The following MIS18BP1 variants were observed in gnomAD, a reference collection of about 807,000 sequenced individuals.
MIS18BP1 encodes the protein mis18-binding protein 1.
A neutral mutation model predicts 116.1 loss-of-function variants in MIS18BP1; 72 were observed. The observed-to-expected ratio is 0.62, with a 90% CI of 0.51 to 0.75. The LOEUF is 0.75. Ranked by LOEUF, MIS18BP1 falls within the 30% of genes least tolerant of loss-of-function variation. The pLI, the probability that MIS18BP1 is intolerant of heterozygous loss-of-function variation, is 0.00. For missense variants in MIS18BP1, 1,363 were observed against 1,303.2 expected (o/e 1.05, Z -0.71); for synonymous variants, 386 against 427.0 (o/e 0.90, Z 1.18).
chr14:45,229,942 A>C (rs983005279), intron 8 of MIS18BP1, among the ~76,000 whole-genome samples: 8 of 152,226 alleles, frequency 5.3e-5, no homozygotes, highest in Non-Finnish European at 1.0e-4. Context: ...ACTTTTTGCT[A>C]GCTCTGGGGA....
At chr14:45,229,749 A>G (rs1891224647) in intron 8 of MIS18BP1, among the ~76,000 whole-genome samples, 1 of 152,188 alleles carries the variant, frequency 6.6e-6, no homozygotes, top group Non-Finnish European at 1.5e-5. Context: ...AGTGAGATAT[A>G]CTGTCAAGGA....
At position 45,226,840 on chromosome 14, in the gene MIS18BP1, C is replaced by A; in HGVS notation, c.1747-4G>T. On this transcript the variant is annotated splice_region_variant and splice_polypyrimidine_tract_variant and intron_variant, in intron 9 of 16. Coordinates refer to ENST00000310806, the MANE Select transcript of MIS18BP1 (RefSeq NM_018353.5). ...ATTCTTTTTTTCCAATTAATTCCTT[C>A]AAAACAAAAAGATACCTAGGTTTTA... The A allele has an allele frequency of 7.4e-7, 1 of 1,355,068 alleles. No homozygotes were observed. The highest frequency in any genetic ancestry group is 1.5e-5 in the South Asian group (1 of 66,168). The allele number at this position is 1,355,068 out of a possible 1,614,324, so 83.9% of individuals were successfully genotyped here.
Position 45,231,140 on chromosome 14 carries a change from C to A in MIS18BP1, c.1594+1G>T, listed in dbSNP as rs145405817. 16 of 1,610,274 alleles carry A rather than the reference C, an allele frequency of 9.9e-6. No individual in the cohort carries two copies. In the African/African-American group the frequency reaches 1.3e-4, roughly 13 times the overall value. The stretch of plus-strand genomic sequence containing the variant: ...AACAGAGAAGTAAAGACAAAACATA[C>A]CCAAATTATCACAATCAAAATCGTA... On this transcript the variant is annotated splice_donor_variant, in intron 8 of 16. Coordinates refer to ENST00000310806, the MANE Select transcript of MIS18BP1 (RefSeq NM_018353.5). LOFTEE classifies it high-confidence loss of function.
intron 7 of MIS18BP1, 132 bp from the exon 8 acceptor site, chr14:45,231,430 C>T: frequency 1.4e-6 from 1 of 724,910 alleles, no homozygotes; most frequent in Non-Finnish European, 2.2e-6. Flanking sequence ...TTTAATCTTA[C>T]ATTATTAATC....
Position 45,232,660 on chromosome 14 carries a change from TG to T in MIS18BP1, c.1436+72del, listed in dbSNP as rs150394764. The T allele has an allele frequency of 1.1e-3, 959 of 834,746 alleles. 5 individuals are homozygous for T. The African/African-American group carries it at 0.016, about 14-fold the overall frequency. 51.7% of individuals were successfully genotyped at this position (834,746 alleles called of 1,614,324 possible). A position where few individuals can be genotyped will look rare whatever the true frequency, so the allele number is the denominator to read the frequency against. On this transcript the variant is annotated intron_variant, in intron 7 of 16. Transcript: ENST00000310806. ...AAATACAAAAATTAGCTGGACATGG[TG>T]GCACACACATAATTAAATGTAAATT... is the stretch of plus-strand genomic sequence containing the variant.
intron 13 of MIS18BP1, among the ~76,000 whole-genome samples, chr14:45,215,625 A>C (rs1345537087): frequency 6.6e-6 from 1 of 151,368 alleles, no homozygotes; most frequent in African/African-American, 2.4e-5. Context: ...GTTGGCCAGA[A>C]TGGTCTCGAT....
At chr14:45,223,871 C>T (rs1891043207) in intron 11 of MIS18BP1, 47 bp downstream of exon 11, 1 of 1,377,260 alleles carries the variant, frequency 7.3e-7, no homozygotes, top group Admixed American at 2.4e-5. Flanking sequence ...CTTTAACTGT[C>T]TTGTGGCTGC....
Position 45,224,400 on chromosome 14 carries a change from A to G in MIS18BP1, c.2187T>C (p.Ser729=), listed in dbSNP as rs2139184933. The change falls in exon 11 of 17, where the codon TCT becomes TCC. Residue 729 remains serine, a synonymous_variant. Transcript: ENST00000310806. ...TGAGCATTTGTTCCTTTTCAAGGTT[A>G]GATATTTTTATTTTCCGGTTGACAG... ...LLTVNRKIKI[S]NLEKEQMLTS... 6.2e-7 allele frequency: 1 copy of G among 1,613,766 alleles called. No individual in the cohort carries two copies. Among genetic ancestry groups the G allele is most frequent in the East Asian group, 2.2e-5 (1 of 44,870 alleles).
rs570030097 is a variant in MIS18BP1, at chr14:45,252,786, T to A, written c.-92+249A>T. 7.6e-4 allele frequency among the ~76,000 whole-genome samples: 115 copies of A among 150,392 alleles called. 2 individuals carry two copies. Among genetic ancestry groups the A allele is most frequent in the South Asian group, 5.7e-3 (27 of 4,776 alleles). ...GTATTCTAAAAAAAAAAAAAAAAAA[T>A]TTATTTTAGAACAAAGACCTAGAAC... is the stretch of plus-strand genomic sequence containing the variant. On this transcript the variant is annotated intron_variant, in intron 1 of 16. Transcript: ENST00000310806.
intron 8 of MIS18BP1, among the ~76,000 whole-genome samples, chr14:45,228,534 T>TA (rs1891188332): frequency 6.6e-6 from 1 of 152,222 alleles, no homozygotes; most frequent in African/African-American, 2.4e-5. Context: ...AATGTATAAC[T>TA]AAATTTCTGT....
chr14:45,217,310 C>CA, intron 12 of MIS18BP1, 131 bp from the exon 13 acceptor site: 1 of 1,025,410 alleles, frequency 9.8e-7, no homozygotes, highest in Non-Finnish European at 1.4e-6. Context: ...CAGCCTTGGC[C>CA]AGGCTCAGTG....
At chr14:45,250,496 C>CT (rs1891839320) in intron 1 of MIS18BP1, among the ~76,000 whole-genome samples, 1 of 152,310 alleles carries the variant, frequency 6.6e-6, no homozygotes, top group Admixed American at 6.5e-5. Context: ...GAAAGAACGC[C>CT]TGTCCTGAAG....
chr14:45,241,927 G>T, intron 4 of MIS18BP1, 107 bp downstream of exon 4: 2 of 1,224,172 alleles, frequency 1.6e-6, no homozygotes, highest in South Asian at 3.0e-5. Context: ...AAGCATACAG[G>T]TTCAAATCCT....
At chr14:45,252,181 A>G (rs553032586) in intron 1 of MIS18BP1, among the ~76,000 whole-genome samples, 41 of 152,346 alleles carry the variant, frequency 2.7e-4, no homozygotes, top group Middle Eastern at 6.8e-3. Context: ...AACAGGCAAC[A>G]GTCTACACAC....
intron 4 of MIS18BP1, among the ~76,000 whole-genome samples, chr14:45,240,373 G>A (rs1344030483): frequency 6.6e-6 from 1 of 152,124 alleles, no homozygotes; most frequent in Non-Finnish European, 1.5e-5. Context: ...TTGGGGCCAG[G>A]CGTGGTGGCT....
At chr14:45,241,885 A>G (rs1212864897) in intron 4 of MIS18BP1, 149 bp downstream of exon 4, 2 of 865,750 alleles carry the variant, frequency 2.3e-6, no homozygotes. Flanking sequence ...AGTAAATAAT[A>G]AAACATGATA....
chr14:45,232,575 A>T (rs1414681866), intron 7 of MIS18BP1, 158 bp downstream of exon 7: 1 of 607,670 alleles, frequency 1.6e-6, no homozygotes, highest in Non-Finnish European at 3.1e-6. Context: ...CAGGCGGATC[A>T]CTTGTAGCCA....
rs752126116 is a variant in MIS18BP1, at chr14:45,237,670, T to C, written c.1195A>G (p.Ile399Val). Reference protein sequence around the residue: ...MIKSINNNTAICVEGKLIDVT... With the variant: ...MIKSINNNTAVCVEGKLIDVT... ...TACATCAATTTTCCTTCTACACATA[T>C]AGCAGTATTATTATTGATGCTTTTA... Residue 399 changes from isoleucine to valine, a missense_variant, in exon 5 of 17, where the codon ATA (isoleucine) becomes GTA (valine). Ile to Val is a conservative substitution (Grantham distance 29). Transcript: ENST00000310806. 28 of 1,601,404 alleles carry C rather than the reference T, an allele frequency of 1.7e-5. No homozygotes were observed. Among genetic ancestry groups the C allele is most frequent in the South Asian group, 2.3e-5 (2 of 88,200 alleles).
rs567462346 is a variant in MIS18BP1 at position 45,236,749 on chromosome 14, A to T, written c.1218-805T>A. Among the ~76,000 whole-genome samples the T allele has an allele frequency of 1.3e-5, 2 of 152,334 alleles. 1 individual carries two copies. Among genetic ancestry groups the T allele is most frequent in the South Asian group, 4.1e-4 (2 of 4,826 alleles). On this transcript the variant is annotated intron_variant, in intron 5 of 16. Coordinates refer to ENST00000310806, the MANE Select transcript of MIS18BP1 (RefSeq NM_018353.5). ...AAAAAGCACTGTTCTCTAGCCTTTC[A>T]TTTAATCCTCAGCACAACTAACTAG...
Sources: allele counts gnomAD v4.1 joint callset (sites outside exome capture counted in the v4.1 genomes callset), GRCh38; gene constraint gnomAD v4.1.1; transcripts MANE v1.5; gene names NCBI Gene and HGNC (gene_info 2026-07-23, HGNC 2026-07-21).